The following ZPBP variants were observed in gnomAD, a reference collection of about 807,000 sequenced individuals.
The protein encoded by ZPBP is zona pellucida-binding protein 1.
A neutral mutation model predicts 44.8 loss-of-function variants in ZPBP; 26 were observed. The ratio of observed to expected loss-of-function variants is 0.58; its 90% CI spans 0.43 to 0.81. The LOEUF (loss-of-function observed/expected upper bound fraction) is 0.81, where lower values mean the gene tolerates loss of function less well. ZPBP is among the 30% of genes least tolerant of loss of function. ZPBP has a pLI of 0.00. For synonymous variants in ZPBP, 174 were observed against 153.2 expected (o/e 1.14, Z -1.00); for missense variants, 409 against 434.0 (o/e 0.94, Z 0.51).
intron 3 of ZPBP, among the ~76,000 whole-genome samples, chr7:50,064,865 G>A (rs574293329): frequency 2.2e-4 from 33 of 152,314 alleles, no homozygotes; most frequent in African/African-American, 4.8e-4. Flanking sequence ...AGGATTAAGA[G>A]ATTAAAGTAA....
chr7:49,888,696 C>A (rs1583760151), intron 2 of ZPBP, among the ~76,000 whole-genome samples: 1 of 152,004 alleles, frequency 6.6e-6, no homozygotes, highest in Non-Finnish European at 1.5e-5. Context: ...GGATCACCTG[C>A]GGTCAGGAGT....
chr7:49,871,938 CA>C (rs1379408582), intron 2 of ZPBP, among the ~76,000 whole-genome samples: 8 of 128,328 alleles, frequency 6.2e-5, no homozygotes, highest in Non-Finnish European at 1.1e-4. Context: ...CACACACACA[CA>C]CACACACACA....
intron 5 of ZPBP, among the ~76,000 whole-genome samples, chr7:50,027,799 TA>T (rs1262578173): frequency 1.3e-5 from 2 of 151,896 alleles, no homozygotes; most frequent in Non-Finnish European, 2.9e-5. Context: ...TGTAGGCCAA[TA>T]AATTAAGTAA....
At chr7:50,001,445 G>C (rs1798090351) in intron 6 of ZPBP, among the ~76,000 whole-genome samples, 1 of 152,080 alleles carries the variant, frequency 6.6e-6, no homozygotes, top group Non-Finnish European at 1.5e-5. Context: ...TTTCATTTGT[G>C]ATACATATAG....
chr7:49,985,213 C>T (rs530688809), intron 6 of ZPBP, among the ~76,000 whole-genome samples: 1 of 152,270 alleles, frequency 6.6e-6, no homozygotes, highest in South Asian at 2.1e-4. Context: ...GTTTTTATTA[C>T]TCTTTCTTAA....
chr7:50,037,116 T>C (rs1584094239), intron 4 of ZPBP, among the ~76,000 whole-genome samples: 1 of 152,186 alleles, frequency 6.6e-6, no homozygotes, highest in African/African-American at 2.4e-5. Context: ...ATAATATGAA[T>C]ACTATAATGT....
intron 5 of ZPBP, 76 bp downstream of exon 5, chr7:50,031,014 CTG>C (rs1799581633): frequency 3.3e-6 from 4 of 1,213,318 alleles, no homozygotes; most frequent in Middle Eastern, 2.7e-4. Context: ...CATAAAAATG[CTG>C]TGAGTAATTA....
At chr7:49,922,801 G>A (rs968598953) in intron 1 of ZPBP, among the ~76,000 whole-genome samples, 1 of 152,106 alleles carries the variant, frequency 6.6e-6, no homozygotes, top group African/African-American at 2.4e-5. Flanking sequence ...CAAATACAAT[G>A]GAGCAGAAAC....
chr7:49,892,311 G>T (rs567318525), intron 2 of ZPBP, among the ~76,000 whole-genome samples: 6 of 152,122 alleles, frequency 3.9e-5, no homozygotes, highest in Non-Finnish European at 7.4e-5. Flanking sequence ...CTCCCAAAGT[G>T]CTGGGATTAC....
chr7:49,920,995 A>G (rs1793993624), intron 1 of ZPBP: 1 of 152,224 alleles, frequency 6.6e-6, no homozygotes, highest in South Asian at 2.1e-4. Flanking sequence ...TTATTTGGTG[A>G]AAGTTTTCCA....
chr7:49,917,307 AG>A (rs1793775274), intron 1 of ZPBP: 1 of 152,168 alleles, frequency 6.6e-6, no homozygotes, highest in Non-Finnish European at 1.5e-5. Flanking sequence ...CTTAACACAA[AG>A]ATTTGGCTAA....
At chr7:50,090,621 A>G (rs13230676) in intron 1 of ZPBP, among the ~76,000 whole-genome samples, 2 of 147,512 alleles carry the variant, frequency 1.4e-5, no homozygotes, top group Non-Finnish European at 3.0e-5. Flanking sequence ...ATGTGTATAT[A>G]TGTGTATATA....
At chr7:49,968,230 C>A (rs929471760) in intron 7 of ZPBP, among the ~76,000 whole-genome samples, 19 of 151,644 alleles carry the variant, frequency 1.3e-4, no homozygotes, top group African/African-American at 4.6e-4. Flanking sequence ...AGACTAAAAG[C>A]CATTATATTT....
chr7:49,922,206 G>A (rs4917102), intron 1 of ZPBP, among the ~76,000 whole-genome samples: 113,896 of 152,032 alleles, frequency 0.75, 42,896 homozygotes, highest in East Asian at 0.89. Flanking sequence ...CCACGGAATT[G>A]ACTGTGATAA....
chr7:49,999,336 G>T (rs778944647), intron 6 of ZPBP, among the ~76,000 whole-genome samples: 4 of 151,508 alleles, frequency 2.6e-5, no homozygotes, highest in Non-Finnish European at 4.4e-5. Flanking sequence ...TGCTTCAAAA[G>T]CTGGTGAGGA....
chr7:50,087,692 TAA>T (rs1021542902), intron 2 of ZPBP, among the ~76,000 whole-genome samples: 11 of 152,010 alleles, frequency 7.2e-5, no homozygotes, highest in Admixed American at 1.3e-4. Flanking sequence ...TTGAAAGTAA[TAA>T]AATATTTAGG....
intron 6 of ZPBP, 147 bp from the exon 7 acceptor site, chr7:49,983,666 A>C (rs749982499): frequency 3.5e-6 from 2 of 569,678 alleles, no homozygotes; most frequent in Non-Finnish European, 6.1e-6. Context: ...TAAATAAAAC[A>C]CACAAAACTG....
chr7:49,908,762 A>C (rs1793240455), intron 1 of ZPBP, among the ~76,000 whole-genome samples: 1 of 152,198 alleles, frequency 6.6e-6, no homozygotes, highest in African/African-American at 2.4e-5. Context: ...AGAAGCTTTT[A>C]GTGATTAAAG....
chr7:49,856,941 T>C (rs1583689437), intron 2 of ZPBP, among the ~76,000 whole-genome samples: 1 of 121,868 alleles, frequency 8.2e-6, no homozygotes, highest in Non-Finnish European at 1.6e-5. Context: ...CCTGGGGAGG[T>C]GGAGCTTTCA....
Sources: allele counts gnomAD v4.1 joint callset (sites outside exome capture counted in the v4.1 genomes callset), GRCh38; gene constraint gnomAD v4.1.1; transcripts MANE v1.5; gene names NCBI Gene and HGNC (gene_info 2026-07-23, HGNC 2026-07-21).